Variants in GRM7 observed in about 807,000 individuals in gnomAD.
The protein encoded by GRM7 is metabotropic glutamate receptor 7.
In GRM7, 35 loss-of-function variants were observed where a neutral mutation model predicts 84.5. The ratio of observed to expected loss-of-function variants is 0.41; its 90% CI spans 0.32 to 0.55. GRM7 has a LOEUF of 0.55. Among genes scored for constraint, GRM7 ranks in the 20% least tolerant of loss-of-function variants. The pLI is 0.19. For synonymous variants in GRM7, 487 were observed against 455.1 expected (o/e 1.07, Z -0.89); for missense variants, 1,003 against 1,194.6 (o/e 0.84, Z 2.36).
chr3:7,570,307 C>T (rs149476441), intron 7 of GRM7, among the ~76,000 whole-genome samples: 235 of 152,222 alleles, frequency 1.5e-3, no homozygotes, highest in African/African-American at 5.4e-3. Context: ...CACAGTCCAG[C>T]GTCTCATCTG....
At chr3:7,136,697 T>C (rs912669582) in intron 1 of GRM7, among the ~76,000 whole-genome samples, 4 of 152,226 alleles carry the variant, frequency 2.6e-5, no homozygotes, top group African/African-American at 7.2e-5. Context: ...AGAAATCTGT[T>C]CTCTTAGCTT....
intron 2 of GRM7, among the ~76,000 whole-genome samples, chr3:7,242,028 T>G (rs908465): frequency 0.83 from 125,777 of 152,142 alleles, 52,289 homozygotes; most frequent in East Asian, 0.98. Flanking sequence ...GGAAACAACA[T>G]CTTTATCTCT....
intron 4 of GRM7, among the ~76,000 whole-genome samples, chr3:7,408,126 A>G (rs1695760847): frequency 1.3e-5 from 2 of 152,202 alleles, no homozygotes. Flanking sequence ...CTAGGAATTG[A>G]ACCCTACAAT....
chr3:7,031,635 A>G (rs1477381027), intron 1 of GRM7, among the ~76,000 whole-genome samples: 1 of 151,994 alleles, frequency 6.6e-6, no homozygotes, highest in Non-Finnish European at 1.5e-5. Context: ...GCCAGGGCCA[A>G]ATACTTTTTC....
chr3:7,508,724 T>A (rs3804937), intron 7 of GRM7, among the ~76,000 whole-genome samples: 43,342 of 151,972 alleles, frequency 0.29, 7,144 homozygotes, highest in East Asian at 0.61. Context: ...TTAAGGAAGA[T>A]GAAATAAGAG....
chr3:7,401,372 T>C (rs2125158254), intron 4 of GRM7, among the ~76,000 whole-genome samples: 1 of 152,264 alleles, frequency 6.6e-6, no homozygotes, highest in Middle Eastern at 3.4e-3. Context: ...TTGACCACGT[T>C]TTGTTGTTGG....
rs564290047 is a variant in GRM7, at chr3:7,311,611, T to G, written c.1033+4959T>G. Among the ~76,000 whole-genome samples the G allele has an allele frequency of 1.1e-4, 17 of 151,586 alleles. No individual in the cohort carries two copies. The South Asian group carries it at 1.7e-3, about 15-fold the overall frequency. Reference sequence around the variant, plus strand: ...TGTTTCAATACATTTTTTTTTTTTTTGGGATGGAGTCTCGCTTTGTCACCC... The same window carrying G: ...TGTTTCAATACATTTTTTTTTTTTTGGGGATGGAGTCTCGCTTTGTCACCC... On this transcript the variant is annotated intron_variant, in intron 4 of 9. Transcript: ENST00000357716.
chr3:6,869,729 A>G (rs1254337853), intron 1 of GRM7, among the ~76,000 whole-genome samples: 1 of 152,188 alleles, frequency 6.6e-6, no homozygotes, highest in Admixed American at 6.5e-5. Flanking sequence ...CAGTGGAATG[A>G]AACTTTTTAT....
intron 1 of GRM7, among the ~76,000 whole-genome samples, chr3:6,977,315 T>G (rs1694038443): frequency 6.6e-6 from 1 of 152,124 alleles, no homozygotes; most frequent in Non-Finnish European, 1.5e-5. Context: ...AGACACTTAC[T>G]ATTCCCTTAT....
chr3:7,342,669 T>C (rs568903312), intron 4 of GRM7, among the ~76,000 whole-genome samples: 2 of 152,318 alleles, frequency 1.3e-5, no homozygotes, highest in Admixed American at 1.3e-4. Flanking sequence ...ACAGAGAATC[T>C]AACTCAACAT....
chr3:7,711,495 G>C (rs1282542420), intron 9 of GRM7, among the ~76,000 whole-genome samples: 2 of 152,178 alleles, frequency 1.3e-5, no homozygotes, highest in Non-Finnish European at 2.9e-5. Flanking sequence ...AGCTGGCAGT[G>C]AGAAGAATTC....
chr3:7,070,697 G>C (rs1279247289), intron 1 of GRM7, among the ~76,000 whole-genome samples: 1 of 151,848 alleles, frequency 6.6e-6, no homozygotes, highest in Non-Finnish European at 1.5e-5. Context: ...AGAGAGTTTT[G>C]AATGTCTTAG....
chr3:7,186,549 A>G (rs1468864867), intron 2 of GRM7, among the ~76,000 whole-genome samples: 1 of 152,212 alleles, frequency 6.6e-6, no homozygotes, highest in Non-Finnish European at 1.5e-5. Flanking sequence ...TATTTGTAAA[A>G]ATAAATATCT....
chr3:7,202,946 T>C (rs970585828), intron 2 of GRM7, among the ~76,000 whole-genome samples: 1 of 151,966 alleles, frequency 6.6e-6, no homozygotes, highest in Non-Finnish European at 1.5e-5. Flanking sequence ...ACACATAACA[T>C]TTTCTATTAT....
At chr3:6,867,773 C>T (rs900463137) in intron 1 of GRM7, among the ~76,000 whole-genome samples, 1 of 152,050 alleles carries the variant, frequency 6.6e-6, no homozygotes, top group Non-Finnish European at 1.5e-5. Context: ...TTGACACAGT[C>T]AATATATATG....
intron 7 of GRM7, among the ~76,000 whole-genome samples, chr3:7,463,840 A>G (rs768392682): frequency 6.6e-6 from 1 of 152,210 alleles, no homozygotes; most frequent in Non-Finnish European, 1.5e-5. Flanking sequence ...TAAACATTTT[A>G]TTCTGAGTGC....
intron 2 of GRM7, among the ~76,000 whole-genome samples, chr3:7,264,079 A>T (rs888504234): frequency 6.6e-6 from 1 of 152,014 alleles, no homozygotes; most frequent in Non-Finnish European, 1.5e-5. Context: ...AGGAGCTATG[A>T]TGCAGGCTCT....
At chr3:7,274,293 A>C (rs1698972408) in intron 2 of GRM7, among the ~76,000 whole-genome samples, 2 of 152,120 alleles carry the variant, frequency 1.3e-5, no homozygotes, top group South Asian at 4.1e-4. Context: ...TAGATCAATA[A>C]AGAATAAGAA....
intron 7 of GRM7, among the ~76,000 whole-genome samples, chr3:7,547,275 C>T (rs1227168208): frequency 4.9e-5 from 7 of 142,460 alleles, no homozygotes; most frequent in South Asian, 4.6e-4. Context: ...GGCGTAATCT[C>T]GCCTCACTGC....
Sources: allele counts gnomAD v4.1 joint callset (sites outside exome capture counted in the v4.1 genomes callset), GRCh38; gene constraint gnomAD v4.1.1; transcripts MANE v1.5; gene names NCBI Gene and HGNC (gene_info 2026-07-23, HGNC 2026-07-21).